CDH22: variants seen among roughly 807,000 people sequenced by gnomAD.
The protein encoded by CDH22 is cadherin 22.
In CDH22, 30 loss-of-function variants were observed where a neutral mutation model predicts 58.4. That is an observed-to-expected ratio of 0.51 (90% CI 0.38 to 0.70). CDH22 has a LOEUF of 0.70. Ranked by LOEUF, CDH22 falls within the 30% of genes least tolerant of loss-of-function variation. CDH22 has a pLI of 0.00. For synonymous variants in CDH22, 513 were observed against 558.2 expected (o/e 0.92, Z 1.14); for missense variants, 1,014 against 1,233.9 (o/e 0.82, Z 2.67).
At chr20:46,281,832 G>A (rs1033173124) in intron 1 of CDH22, among the ~76,000 whole-genome samples, 1 of 152,248 alleles carries the variant, frequency 6.6e-6, no homozygotes, top group Non-Finnish European at 1.5e-5. Context: ...GGAGTTTACA[G>A]TTCATCATAA....
At chr20:46,175,300 C>T (rs1280315822) in intron 11 of CDH22, among the ~76,000 whole-genome samples, 1 of 152,114 alleles carries the variant, frequency 6.6e-6, no homozygotes, top group Admixed American at 6.5e-5. Context: ...GTATGCAAAT[C>T]GAGGCTAGAT....
chr20:46,293,620 T>C (rs2086615373), intron 1 of CDH22, among the ~76,000 whole-genome samples: 1 of 152,078 alleles, frequency 6.6e-6, no homozygotes. Flanking sequence ...GTCCTCTGAC[T>C]AAAGAAACCA....
chr20:46,246,819 C>T (rs1600715178), intron 2 of CDH22, among the ~76,000 whole-genome samples: 2 of 152,246 alleles, frequency 1.3e-5, no homozygotes, highest in East Asian at 3.9e-4. Context: ...CCGAGCGGCT[C>T]CCTGGGGTGG....
chr20:46,251,443 C>G lies in CDH22; in HGVS notation c.-149G>C. The G allele has an allele frequency of 1.1e-6, 1 of 942,844 alleles. No individual in the cohort carries two copies. 58.4% of individuals were successfully genotyped at this position (942,844 alleles called of 1,614,324 possible). ...GCCCCCGACGGGGCACCCGGACGGG[C>G]CCGCGGCCCTGAACGCCGCCCAGCC... On this transcript the variant is annotated 5_prime_UTR_variant, in exon 2 of 12. Coordinates refer to ENST00000537909, the MANE Select transcript of CDH22 (RefSeq NM_021248.3). The surrounding 1 kb of genome is among the most constrained non-coding windows in gnomAD (Gnocchi z 6.7).
intron 8 of CDH22, among the ~76,000 whole-genome samples, chr20:46,189,137 G>A (rs1227449697): frequency 6.6e-6 from 1 of 152,178 alleles, no homozygotes; most frequent in African/African-American, 2.4e-5. Flanking sequence ...AGGAAAAGGA[G>A]GGGGCTGAGT....
intron 3 of CDH22, among the ~76,000 whole-genome samples, chr20:46,236,320 T>A (rs1325322813): frequency 7.3e-5 from 11 of 151,564 alleles, no homozygotes; most frequent in Non-Finnish European, 1.5e-4. Flanking sequence ...TTCACAGAGC[T>A]CCTTGGTTCC....
Position 46,241,380 on chromosome 20 carries a change from A to T in CDH22, c.256-123T>A. 1 of 843,952 alleles carries T rather than the reference A, an allele frequency of 1.2e-6. No individual in the cohort carries two copies. The highest frequency in any genetic ancestry group is 1.8e-6 in the Non-Finnish European group (1 of 555,998). The allele number at this position is 843,952 out of a possible 1,614,324, so 52.3% of individuals were successfully genotyped here. A position where few individuals can be genotyped will look rare whatever the true frequency, so the allele number is the denominator to read the frequency against. ...TCTTCTCCAGCACATACACATCTTTAGTGAGGACACTGAGGCCCAGCAGCC... is the reference window on the plus strand; with the variant it reads ...TCTTCTCCAGCACATACACATCTTTTGTGAGGACACTGAGGCCCAGCAGCC... On this transcript the variant is annotated intron_variant, in intron 2 of 11. Coordinates refer to ENST00000537909, the MANE Select transcript of CDH22 (RefSeq NM_021248.3). This position sits in a 1 kb window ranked among gnomAD's most constrained non-coding sequence, Gnocchi z 5.2.
chr20:46,226,282 TC>T (rs2086173494), intron 4 of CDH22, among the ~76,000 whole-genome samples: 13 of 2,612 alleles, frequency 5.0e-3, no homozygotes, highest in African/African-American at 0.024. Context: ...TTCTTCTTCT[TC>T]TTCTTCTTCT....
intron 3 of CDH22, among the ~76,000 whole-genome samples, chr20:46,239,279 A>G (rs1331807887): frequency 6.6e-6 from 1 of 152,230 alleles, no homozygotes; most frequent in African/African-American, 2.4e-5. Context: ...AGCATGTCAC[A>G]TGCACACACA....
intron 1 of CDH22, among the ~76,000 whole-genome samples, chr20:46,266,401 C>T (rs967560391): frequency 6.6e-6 from 1 of 152,184 alleles, no homozygotes; most frequent in African/African-American, 2.4e-5. Context: ...AGCACCCGTC[C>T]TGTGCCTAGC....
At chr20:46,185,639 A>G (rs965337976) in intron 10 of CDH22, among the ~76,000 whole-genome samples, 2 of 151,980 alleles carry the variant, frequency 1.3e-5, no homozygotes, top group Admixed American at 6.5e-5. Flanking sequence ...AGGCCGAGGT[A>G]GGAGGATTGT....
At chr20:46,293,543 C>T (rs905118780) in intron 1 of CDH22, among the ~76,000 whole-genome samples, 1 of 152,010 alleles carries the variant, frequency 6.6e-6, no homozygotes, top group African/African-American at 2.4e-5. Flanking sequence ...CTCTAATAGT[C>T]GTTTGAGGAA....
At position 46,196,585 on chromosome 20, in the gene CDH22, T is replaced by G. The variant is rs187822466; in HGVS notation, c.1423+2838A>C. 3.3e-4 allele frequency among the ~76,000 whole-genome samples: 50 copies of G among 152,264 alleles called. 1 individual carries two copies. The Middle Eastern group carries it at 0.017, about 52-fold the overall frequency. ...CACTGTGCCTGGCCTGTGAGAGCTC[T>G]TGATTTTGTGCCAGCACCAGGGAAA... is the stretch of plus-strand genomic sequence containing the variant. On this transcript the variant is annotated intron_variant, in intron 8 of 11. Transcript: ENST00000537909.
chr20:46,262,582 A>C (rs998531293), intron 1 of CDH22, among the ~76,000 whole-genome samples: 1 of 152,202 alleles, frequency 6.6e-6, no homozygotes, highest in African/African-American at 2.4e-5. Flanking sequence ...AAGGTTTTTC[A>C]TGCTCAATAA....
In CDH22 at chr20:46,174,561, G is replaced by A. The variant is rs938081050; in HGVS notation, c.2432C>T (p.Pro811Leu). Reference sequence around the variant, plus strand: ...GTGGCCGGCGTAGAGCGCGGCCAGGGGCCGGAAGCGCGGACCCCAGCTGCT... The same window carrying A: ...GTGGCCGGCGTAGAGCGCGGCCAGGAGCCGGAAGCGCGGACCCCAGCTGCT... The part of the protein sequence containing the change: ...YLSSWGPRFR[P>L]LAALYAGHRG... The change falls in exon 12 of 12, where the codon CCC becomes CTC. Residue 811 changes from proline (P) to leucine (L), a missense_variant. Transcript: ENST00000537909. This position sits in a 1 kb window ranked among gnomAD's most constrained non-coding sequence, Gnocchi z 4.4. 7.2e-6 allele frequency: 11 copies of A among 1,527,506 alleles called. No individual in the cohort carries two copies. The highest frequency in any genetic ancestry group is 2.0e-5 in the Admixed American group (1 of 50,258). The allele number at this position is 1,527,506 out of a possible 1,614,324, so 94.6% of individuals were successfully genotyped here.
intron 8 of CDH22, among the ~76,000 whole-genome samples, chr20:46,198,599 G>A (rs946356128): frequency 6.6e-6 from 1 of 152,142 alleles, no homozygotes; most frequent in Admixed American, 6.5e-5. Context: ...CAATGCAGCT[G>A]CCAGAGGTAC....
chr20:46,175,038 T>C lies in CDH22; in HGVS notation c.1955A>G (p.Lys652Arg). 1 of 1,609,964 alleles carries C rather than the reference T, an allele frequency of 6.2e-7. No homozygotes were observed. Among genetic ancestry groups the C allele is most frequent in the Non-Finnish European group, 8.5e-7 (1 of 1,179,406 alleles). The change falls in exon 12 of 12, where the codon AAG (lysine) becomes AGG (arginine). Residue 652 changes from lysine (K) to arginine (R), a missense_variant. Lys to Arg is a conservative substitution (Grantham distance 26). Around this residue, in one of 2 missense-constraint regions of CDH22, gnomAD observed 806 missense variants for 1,038.7 expected, o/e 0.78. Transcript: ENST00000537909. ...LLILTLRRHHKSHLSSDEDED... is the reference protein window; with the variant it reads ...LLILTLRRHHRSHLSSDEDED... ...ATCCTCGTCCGAGCTCAGGTGGCTC[T>C]TGTGGTGGCGCCTGAGGGTGAGGAT...
Position 46,254,843 on chromosome 20 carries a change from G to T in CDH22, c.-399-3150C>A, listed in dbSNP as rs147809594. 2.6e-3 allele frequency among the ~76,000 whole-genome samples: 396 copies of T among 152,196 alleles called. 5 individuals are homozygous for T. The East Asian group carries it at 0.04, about 15-fold the overall frequency. The stretch of plus-strand genomic sequence containing the variant: ...TGCACAAAATAGTTCCACACAGAGG[G>T]AACAGCATGCAAAGGTCCAGAGGTT... On this transcript the variant is annotated intron_variant, in intron 1 of 11. Coordinates refer to ENST00000537909, the MANE Select transcript of CDH22 (RefSeq NM_021248.3).
chr20:46,267,724 A>G (rs1190527809), intron 1 of CDH22, among the ~76,000 whole-genome samples: 1 of 152,258 alleles, frequency 6.6e-6, no homozygotes, highest in Non-Finnish European at 1.5e-5. Flanking sequence ...CCTGCACCTC[A>G]GTCTTTCCAT....
Sources: allele counts gnomAD v4.1 joint callset (sites outside exome capture counted in the v4.1 genomes callset), GRCh38; gene constraint gnomAD v4.1.1; regional missense constraint gnomAD v4.1.1; non-coding constraint Gnocchi (gnomAD v3.1); transcripts MANE v1.5; gene names NCBI Gene and HGNC (gene_info 2026-07-23, HGNC 2026-07-21).